RBM28: variants seen among roughly 807,000 people sequenced by gnomAD.
RBM28 encodes the protein RNA binding motif protein 28, also known as RNA-binding protein 28.
RBM28 carries 78 observed loss-of-function variants against 98.3 expected under a neutral mutation model. The ratio of observed to expected loss-of-function variants is 0.79; its 90% CI spans 0.66 to 0.96. The LOEUF (loss-of-function observed/expected upper bound fraction) is 0.96. Ranked by LOEUF, RBM28 falls within the 40% of genes least tolerant of loss-of-function variation. RBM28 has a pLI of 0.00. For synonymous variants in RBM28, 306 were observed against 330.9 expected, an observed-to-expected ratio of 0.92 and a Z score of 0.82; for missense variants, 838 against 913.0, an observed-to-expected ratio of 0.92 and a Z score of 1.06.
At chr7:128,329,888 C>CA (rs398006204) in intron 10 of RBM28, among the ~76,000 whole-genome samples, 23,392 of 99,940 alleles carry the variant, frequency 0.23, 6,550 homozygotes, top group East Asian at 0.41. Context: ...GACTCCGTCT[C>CA]AAAAAAAAAA....
intron 6 of RBM28, among the ~76,000 whole-genome samples, chr7:128,336,711 T>G (rs1175012324): frequency 1.3e-5 from 2 of 152,204 alleles, no homozygotes; most frequent in Non-Finnish European, 2.9e-5. Flanking sequence ...GTCTCATTCT[T>G]TTGGTTAATC....
intron 16 of RBM28, 55 bp downstream of exon 16, chr7:128,317,604 G>T: frequency 1.5e-6 from 2 of 1,355,516 alleles, no homozygotes; most frequent in South Asian, 2.3e-5. Flanking sequence ...AGCACAAATT[G>T]AACAAAATAG....
At chr7:128,338,838 A>T (rs1796659027) in intron 3 of RBM28, 37 bp from the exon 4 acceptor site, 1 of 1,362,022 alleles carries the variant, frequency 7.3e-7, no homozygotes, top group African/African-American at 1.4e-5. Flanking sequence ...AGAGAAACAC[A>T]ATCACAGCAA....
At chr7:128,335,442 G>A in intron 8 of RBM28, 101 bp downstream of exon 8, 5 of 1,395,958 alleles carry the variant, frequency 3.6e-6, no homozygotes, top group Non-Finnish European at 5.0e-6. Context: ...GAACACCTTA[G>A]AGTCCTATTT....
intron 17 of RBM28, among the ~76,000 whole-genome samples, 183 bp downstream of exon 17, chr7:128,314,581 T>C (rs56177738): frequency 0.024 from 3,593 of 152,316 alleles, 137 homozygotes; most frequent in African/African-American, 0.08. Context: ...CCCTCTGCCA[T>C]TGATCTAAGA....
chr7:128,326,967 T>A (rs1269266750), intron 10 of RBM28, among the ~76,000 whole-genome samples: 2 of 151,368 alleles, frequency 1.3e-5, no homozygotes, highest in East Asian at 1.9e-4. Context: ...AAACCCTGTC[T>A]CTACGAAAGA....
chr7:128,338,098 T>A, intron 5 of RBM28, 152 bp downstream of exon 5: 1 of 683,912 alleles, frequency 1.5e-6, no homozygotes, highest in Non-Finnish European at 2.6e-6. Flanking sequence ...CAAGATCAAG[T>A]TCTAGAGTAT....
chr7:128,339,877 C>A (rs2116393453), intron 1 of RBM28, 86 bp from the exon 2 acceptor site: 2 of 1,454,394 alleles, frequency 1.4e-6, no homozygotes, highest in South Asian at 2.4e-5. Flanking sequence ...TGAGTAAATC[C>A]TCAAAGCCTA....
At chr7:128,314,063 C>T (rs1261246532) in intron 17 of RBM28, among the ~76,000 whole-genome samples, 3 of 152,032 alleles carry the variant, frequency 2.0e-5, no homozygotes, top group East Asian at 1.9e-4. Flanking sequence ...CCCGGGTTCA[C>T]GCCATTCTCC....
At position 128,343,901 on chromosome 7, in the gene RBM28, C is replaced by A. The variant is rs1321713160; in HGVS notation, c.-108G>T. ...AACCAAGCTCACACGCCGAGAGATTCCGGAAGTGCTCGTTGCCCAAAAGAG... is the reference window on the plus strand; with the variant it reads ...AACCAAGCTCACACGCCGAGAGATTACGGAAGTGCTCGTTGCCCAAAAGAG... On this transcript the variant is annotated 5_prime_UTR_variant, in exon 1 of 19. Transcript: ENST00000223073. 3 of 695,782 alleles carry A rather than the reference C, an allele frequency of 4.3e-6. No individual in the cohort carries two copies. The East Asian group carries it at 9.4e-5, about 22-fold the overall frequency. The allele number at this position is 695,782 out of a possible 1,614,324, so 43.1% of individuals were successfully genotyped here.
Position 128,333,302 on chromosome 7 carries a change from G to C in RBM28, c.1007C>G (p.Thr336Ser). ...CAGAAAGACATACCTGATAAAAACA[G>C]TTTTCCCTTCATTCACATCAGAGGG... ...KLPSDVNEGK[T>S]VFIRNLSFDS... is the part of the protein sequence containing the mutation. Residue 336 changes from threonine (T) to serine (S), a missense_variant, in exon 9 of 19, where the codon ACT (threonine) becomes AGT (serine). Coordinates refer to ENST00000223073, the MANE Select transcript of RBM28 (RefSeq NM_018077.3). The C allele has an allele frequency of 6.3e-7, 1 of 1,598,480 alleles. No homozygotes were observed. Among genetic ancestry groups the C allele is most frequent in the Non-Finnish European group, 8.6e-7 (1 of 1,165,782 alleles).
intron 5 of RBM28, 62 bp from the exon 6 acceptor site, chr7:128,337,264 G>C (rs1796621883): frequency 6.6e-7 from 1 of 1,507,480 alleles, no homozygotes; most frequent in South Asian, 1.1e-5. Context: ...CTCTGTAAAT[G>C]ACCCCTAGTC....
rs1434967685 is a variant in RBM28, at chr7:128,299,509, G to A, written c.*11288C>T. ...GCCCTGGGAGGGGCAGTCTCTCCAG[G>A]ATAATGCATTATAAAAACAACAACA... On this transcript the variant is annotated 3_prime_UTR_variant, in exon 19 of 19. Coordinates refer to ENST00000223073, the MANE Select transcript of RBM28 (RefSeq NM_018077.3). 1 of 152,158 alleles carries A rather than the reference G, an allele frequency of 6.6e-6. No individual in the cohort carries two copies. The highest frequency in any genetic ancestry group is 1.5e-5 in the Non-Finnish European group (1 of 68,016). The allele number at this position is 152,158 out of a possible 1,614,324, so 9.4% of individuals were successfully genotyped here.
At chr7:128,311,074 T>TA in intron 18 of RBM28, 143 bp from the exon 19 acceptor site, 1 of 826,010 alleles carries the variant, frequency 1.2e-6, no homozygotes, top group South Asian at 1.6e-5. Flanking sequence ...GAGAGACTCT[T>TA]AGAGAGAAAG....
rs202220784 is a variant in RBM28, at chr7:128,323,512, G to A, written c.1404+15C>T. 52 of 1,614,024 alleles carry A rather than the reference G, an allele frequency of 3.2e-5. No homozygotes were observed. The African/African-American group carries it at 5.6e-4, about 17-fold the overall frequency. On this transcript the variant is annotated intron_variant, in intron 13 of 18. Coordinates refer to ENST00000223073, the MANE Select transcript of RBM28 (RefSeq NM_018077.3). Reference sequence around the variant, plus strand: ...GGCCACGCAGAACGTGAAGGTCAATGCCTAATCTACTCACCCGTTCTCTTT... The same window carrying A: ...GGCCACGCAGAACGTGAAGGTCAATACCTAATCTACTCACCCGTTCTCTTT...
Position 128,324,693 on chromosome 7 carries a change from G to A in RBM28, c.1205C>T (p.Ala402Val). The A allele has an allele frequency of 6.2e-7, 1 of 1,614,128 alleles. No individual in the cohort carries two copies. The highest frequency in any genetic ancestry group is 8.5e-7 in the Non-Finnish European group (1 of 1,180,032). The change falls in exon 12 of 19, where the codon GCT (alanine) becomes GTT (valine). Residue 402 changes from alanine (A) to valine (V), a missense_variant and splice_region_variant. Physicochemically the swap from Ala to Val is moderately conservative, Grantham distance 64. Transcript: ENST00000223073. Reference protein sequence around the residue: ...CLLAASPENEAGGLKLDGRQL... With the variant: ...CLLAASPENEVGGLKLDGRQL... Reference sequence around the variant, plus strand: ...CCGGCCATCCAGTTTAAGCCCACCAGCCTGTAACAGATCACAACCCTTTCT... The same window carrying A: ...CCGGCCATCCAGTTTAAGCCCACCAACCTGTAACAGATCACAACCCTTTCT...
intron 18 of RBM28, 47 bp from the exon 19 acceptor site, chr7:128,310,978 T>C: frequency 6.3e-7 from 1 of 1,582,108 alleles, no homozygotes; most frequent in Non-Finnish European, 8.7e-7. Flanking sequence ...TTTCAAAGAC[T>C]ATATATCACC....
rs748228655 is a variant in RBM28, at chr7:128,343,813, C to T, written c.-20G>A. Reference sequence around the variant, plus strand: ...GGCCATGAGACCGGGAAACCCAAAGCGCGTGAGGACGCGAGCAAACTAGGC... The same window carrying T: ...GGCCATGAGACCGGGAAACCCAAAGTGCGTGAGGACGCGAGCAAACTAGGC... On this transcript the variant is annotated 5_prime_UTR_variant, in exon 1 of 19. Transcript: ENST00000223073. 4 of 1,547,030 alleles carry T rather than the reference C, an allele frequency of 2.6e-6. No homozygotes were observed. In the Admixed American group the frequency reaches 5.8e-5, roughly 22 times the overall value.
At position 128,343,875 on chromosome 7, in the gene RBM28, C is replaced by A. The variant is rs1584670024; in HGVS notation, c.-82G>T. On this transcript the variant is annotated 5_prime_UTR_variant, in exon 1 of 19. Transcript: ENST00000223073. The stretch of plus-strand genomic sequence containing the variant: ...AGCCGAAACGCTGGCTTTGGTAGGA[C>A]AACCAAGCTCACACGCCGAGAGATT... 1.1e-6 allele frequency: 1 copy of A among 946,120 alleles called. No individual in the cohort carries two copies. Among genetic ancestry groups the A allele is most frequent in the Non-Finnish European group, 1.6e-6 (1 of 641,520 alleles). 58.6% of individuals were successfully genotyped at this position (946,120 alleles called of 1,614,324 possible). A position where few individuals can be genotyped will look rare whatever the true frequency, so the allele number is the denominator to read the frequency against.
Sources: gnomAD v4.1 joint callset for allele counts (sites outside exome capture counted in the v4.1 genomes callset) on GRCh38, gnomAD v4.1.1 for gene constraint, MANE v1.5 for transcripts, NCBI Gene and HGNC (gene_info 2026-07-23, HGNC 2026-07-21) for gene names.